The following TTC23 variants were observed in gnomAD, a reference collection of about 807,000 sequenced individuals.
The protein encoded by TTC23 is tetratricopeptide repeat protein 23.
In TTC23, 58 loss-of-function variants were observed where a neutral mutation model predicts 55.1. The observed-to-expected ratio is 1.05, with a 90% CI of 0.85 to 1.31. The LOEUF is 1.31. Ranked by LOEUF, TTC23 falls within the 50% of genes most tolerant of loss-of-function variation. The pLI is 0.00. For missense variants in TTC23, 516 were observed against 534.4 expected, an observed-to-expected ratio of 0.97 and a Z score of 0.34; for synonymous variants, 203 against 199.9, an observed-to-expected ratio of 1.02 and a Z score of -0.13.
At chr15:99,239,328 T>C (rs933233151) in intron 3 of TTC23, among the ~76,000 whole-genome samples, 2 of 151,784 alleles carry the variant, frequency 1.3e-5, no homozygotes. Flanking sequence ...CTACTAAAAA[T>C]ACAAAAATTA....
chr15:99,148,296 G>T (rs182949860), intron 12 of TTC23, among the ~76,000 whole-genome samples: 1 of 136,374 alleles, frequency 7.3e-6, no homozygotes, highest in African/African-American at 2.7e-5. Flanking sequence ...GGGAGGTGGA[G>T]GTTGCAGTGA....
intron 8 of TTC23, among the ~76,000 whole-genome samples, chr15:99,202,330 T>C (rs1450463884): frequency 2.6e-5 from 4 of 152,190 alleles, no homozygotes; most frequent in African/African-American, 9.7e-5. Context: ...AAAGATGCAG[T>C]GTGCCATTGA....
At chr15:99,186,287 A>G (rs1331834210) in intron 9 of TTC23, among the ~76,000 whole-genome samples, 1 of 152,222 alleles carries the variant, frequency 6.6e-6, no homozygotes, top group Non-Finnish European at 1.5e-5. Flanking sequence ...GCCTACAATC[A>G]AACAGCTGAT....
At chr15:99,235,785 T>C (rs2079274563) in intron 3 of TTC23, among the ~76,000 whole-genome samples, 1 of 152,236 alleles carries the variant, frequency 6.6e-6, no homozygotes, top group South Asian at 2.1e-4. Flanking sequence ...ACTGACACTC[T>C]GTACTCATTA....
At chr15:99,206,516 C>G (rs540404485) in intron 8 of TTC23, among the ~76,000 whole-genome samples, 90 of 152,238 alleles carry the variant, frequency 5.9e-4, no homozygotes, top group African/African-American at 2.0e-3. Context: ...TTTCTGATTT[C>G]TTCATAGTTC....
chr15:99,213,266 T>C (rs1179106281), intron 8 of TTC23, among the ~76,000 whole-genome samples: 1 of 152,152 alleles, frequency 6.6e-6, no homozygotes, highest in Non-Finnish European at 1.5e-5. Context: ...AGAATTAGGA[T>C]GAAAAGAAGT....
At chr15:99,148,187 C>A (rs782685757) in intron 12 of TTC23, among the ~76,000 whole-genome samples, 1 of 151,334 alleles carries the variant, frequency 6.6e-6, no homozygotes, top group African/African-American at 2.4e-5. Flanking sequence ...ATGGTGAAAC[C>A]CCATCTCAAC....
intron 9 of TTC23, among the ~76,000 whole-genome samples, chr15:99,194,549 G>A (rs993947067): frequency 1.6e-4 from 18 of 110,822 alleles, no homozygotes; most frequent in African/African-American, 2.1e-4. Context: ...TGGACATCAC[G>A]TGCAAAAAAA....
intron 12 of TTC23, among the ~76,000 whole-genome samples, chr15:99,146,792 C>A (rs1451217917): frequency 2.6e-5 from 4 of 152,260 alleles, no homozygotes; most frequent in Admixed American, 1.3e-4. Flanking sequence ...GGTGCCATAG[C>A]TGGGCGGGCC....
At chr15:99,244,433 G>A (rs1338757465) in intron 2 of TTC23, among the ~76,000 whole-genome samples, 3 of 151,914 alleles carry the variant, frequency 2.0e-5, no homozygotes, top group African/African-American at 4.8e-5. Flanking sequence ...CAATTAGAAC[G>A]ACTAAATAAG....
intron 8 of TTC23, among the ~76,000 whole-genome samples, chr15:99,203,543 T>C (rs745574170): frequency 3.9e-5 from 6 of 152,098 alleles, no homozygotes; most frequent in African/African-American, 9.7e-5. Flanking sequence ...GTCAACCTAT[T>C]GTATTACCAA....
rs1390821013 is a variant in TTC23 at position 99,161,804 on chromosome 15, C to T, written c.929G>A (p.Arg310Lys). 3 of 1,613,520 alleles carry T rather than the reference C, an allele frequency of 1.9e-6. No individual in the cohort carries two copies. Among genetic ancestry groups the T allele is most frequent in the African/African-American group, 1.3e-5 (1 of 74,934 alleles). The change falls in exon 11 of 14, where the codon AGA becomes AAA. Residue 310 changes from arginine (R) to lysine (K), a missense_variant. By Grantham distance (26) the Arg-to-Lys change is conservative. Coordinates refer to ENST00000394132, the MANE Select transcript of TTC23 (RefSeq NM_001288615.3). ...ATCTTGAATTGAAAGAAATTTGGTTCTTCCCATCCCTTCAGAATCCTTAAG... is the reference window on the plus strand; with the variant it reads ...ATCTTGAATTGAAAGAAATTTGGTTTTTCCCATCCCTTCAGAATCCTTAAG... ...AHLKDSEGMG[R>K]TKFLSIQDEF...
At chr15:99,211,993 A>G (rs1011643045) in intron 8 of TTC23, among the ~76,000 whole-genome samples, 4 of 152,202 alleles carry the variant, frequency 2.6e-5, no homozygotes, top group Non-Finnish European at 5.9e-5. Context: ...ATGCCGGCCC[A>G]GAGCCTACAT....
intron 8 of TTC23, among the ~76,000 whole-genome samples, chr15:99,206,828 AT>A (rs1567484255): frequency 6.6e-6 from 1 of 151,632 alleles, no homozygotes; most frequent in East Asian, 1.9e-4. Context: ...GATTTTTATT[AT>A]TTTTTTATCC....
intron 9 of TTC23, among the ~76,000 whole-genome samples, chr15:99,178,073 G>A (rs1170878694): frequency 6.6e-6 from 1 of 152,084 alleles, no homozygotes; most frequent in Admixed American, 6.6e-5. Context: ...TCCCAGCTAC[G>A]CAGGACGCTG....
In TTC23 at chr15:99,228,720, T is replaced by C; in HGVS notation, c.-8A>G. On this transcript the variant is annotated 5_prime_UTR_variant, in exon 5 of 14. It adds an upstream start codon to the 5' untranslated region. Transcript: ENST00000394132. ...TTCCTGTGATTCTTGCATATTTTTA[T>C]ATACATTGTCTTCTAATTTTAAAAT... 3.2e-6 allele frequency: 5 copies of C among 1,572,904 alleles called. No homozygotes were observed. Among genetic ancestry groups the C allele is most frequent in the East Asian group, 2.2e-5 (1 of 44,462 alleles).
At chr15:99,243,517 T>C (rs182003049) in intron 2 of TTC23, among the ~76,000 whole-genome samples, 17 of 152,264 alleles carry the variant, frequency 1.1e-4, no homozygotes, top group Admixed American at 1.1e-3. Context: ...AAAAGAAAAG[T>C]ATATCAGAGA....
intron 9 of TTC23, among the ~76,000 whole-genome samples, chr15:99,194,337 T>C (rs2075507957): frequency 6.6e-6 from 1 of 152,084 alleles, no homozygotes. Context: ...GGACTGATAC[T>C]ACCCAACTTG....
At chr15:99,181,801 A>G (rs946412110) in intron 9 of TTC23, among the ~76,000 whole-genome samples, 1 of 152,170 alleles carries the variant, frequency 6.6e-6, no homozygotes, top group East Asian at 1.9e-4. Context: ...GGGGGATTAG[A>G]TGAACAGGAA....
Sources: gnomAD v4.1 joint callset for allele counts (sites outside exome capture counted in the v4.1 genomes callset) on GRCh38, gnomAD v4.1.1 for gene constraint, MANE v1.5 for transcripts, NCBI Gene and HGNC (gene_info 2026-07-23, HGNC 2026-07-21) for gene names.